The following NUDT7 variants were observed in gnomAD, a reference collection of about 807,000 sequenced individuals.
The protein encoded by NUDT7 is nudix hydrolase 7, also known as peroxisomal coenzyme A diphosphatase NUDT7.
A neutral mutation model predicts 13.1 loss-of-function variants in NUDT7; 19 were observed. The observed-to-expected ratio is 1.45, with a 90% CI of 1.01 to 2.13. NUDT7 has a LOEUF of 2.13. Among genes scored for constraint, NUDT7 ranks in the 30% most tolerant of loss-of-function variants. The pLI is 0.00. For missense variants in NUDT7, 360 were observed against 291.7 expected, an observed-to-expected ratio of 1.23 and a Z score of -1.71; for synonymous variants, 132 against 109.7, an observed-to-expected ratio of 1.20 and a Z score of -1.27.
intron 2 of NUDT7, 27 bp from the exon 3 acceptor site, chr16:77,735,801 T>C (rs372631501): frequency 3.4e-5 from 55 of 1,602,360 alleles, no homozygotes; most frequent in African/African-American, 1.5e-4. Context: ...GAATCCCACA[T>C]TGTAGCGCTG....
At chr16:77,732,833 G>A (rs1002316197) in intron 2 of NUDT7, among the ~76,000 whole-genome samples, 1 of 152,064 alleles carries the variant, frequency 6.6e-6, no homozygotes, top group Non-Finnish European at 1.5e-5. Flanking sequence ...GTCTGTTTCT[G>A]TCAAGCCTGA....
At chr16:77,739,783 C>A (rs2014601829) in intron 3 of NUDT7, among the ~76,000 whole-genome samples, 1 of 152,098 alleles carries the variant, frequency 6.6e-6, no homozygotes, top group Non-Finnish European at 1.5e-5. Context: ...GCCATGTGTC[C>A]TGCACAGAGA....
In NUDT7 at chr16:77,735,751, C is replaced by A. The variant is rs569198155; in HGVS notation, c.190-77C>A. ...TGGTCTCTGGTACAAAATAGAAGTCCAGTAAGTATTTGTTGAATGCATAAA... is the reference window on the plus strand; with the variant it reads ...TGGTCTCTGGTACAAAATAGAAGTCAAGTAAGTATTTGTTGAATGCATAAA... On this transcript the variant is annotated intron_variant, in intron 2 of 3. Transcript: ENST00000268533. 1.5e-4 allele frequency: 200 copies of A among 1,322,330 alleles called. No homozygotes were observed. In the African/African-American group the frequency reaches 2.0e-3, roughly 13 times the overall value. 81.9% of individuals were successfully genotyped at this position (1,322,330 alleles called of 1,614,324 possible).
At chr16:77,738,591 A>G (rs2014562874) in intron 3 of NUDT7, among the ~76,000 whole-genome samples, 1 of 152,144 alleles carries the variant, frequency 6.6e-6, no homozygotes, top group African/African-American at 2.4e-5. Context: ...CATAGCTGGG[A>G]GTGGAAGGGT....
At chr16:77,728,259 T>C (rs891536867) in intron 2 of NUDT7, among the ~76,000 whole-genome samples, 1 of 152,018 alleles carries the variant, frequency 6.6e-6, no homozygotes, top group Non-Finnish European at 1.5e-5. Flanking sequence ...TTCAGAAGGA[T>C]TCTCGCTCTG....
chr16:77,732,516 G>T (rs1285373013), intron 2 of NUDT7, among the ~76,000 whole-genome samples: 1 of 151,956 alleles, frequency 6.6e-6, no homozygotes, highest in Non-Finnish European at 1.5e-5. Flanking sequence ...CCCCATACTG[G>T]TGAACCATTT....
At chr16:77,739,021 G>C (rs967563727) in intron 3 of NUDT7, among the ~76,000 whole-genome samples, 1 of 152,212 alleles carries the variant, frequency 6.6e-6, no homozygotes, top group Non-Finnish European at 1.5e-5. Context: ...CCCGTAAGTT[G>C]TGGTCACCAA....
intron 2 of NUDT7, among the ~76,000 whole-genome samples, chr16:77,732,571 G>C (rs556210162): frequency 6.6e-5 from 10 of 151,996 alleles, no homozygotes; most frequent in Non-Finnish European, 1.3e-4. Context: ...TCCGTGTTTA[G>C]ATGCACAAAT....
At chr16:77,727,081 G>A (rs985425417) in intron 2 of NUDT7, among the ~76,000 whole-genome samples, 2 of 152,128 alleles carry the variant, frequency 1.3e-5, no homozygotes, top group African/African-American at 4.8e-5. Context: ...CCATGCGTGA[G>A]AAATCTGCCC....
intron 1 of NUDT7, among the ~76,000 whole-genome samples, chr16:77,722,980 G>C (rs2014008774): frequency 6.6e-6 from 1 of 152,186 alleles, no homozygotes; most frequent in African/African-American, 2.4e-5. Flanking sequence ...ACTTTCAGTT[G>C]TGACCTTGGG....
intron 1 of NUDT7, among the ~76,000 whole-genome samples, chr16:77,723,380 C>G (rs1480118058): frequency 6.6e-6 from 1 of 152,040 alleles, no homozygotes; most frequent in Admixed American, 6.5e-5. Context: ...ATCTGGTGAG[C>G]ACCCTGCCAC....
intron 2 of NUDT7, among the ~76,000 whole-genome samples, chr16:77,729,854 T>C (rs1186676164): frequency 6.6e-6 from 1 of 152,048 alleles, no homozygotes; most frequent in Non-Finnish European, 1.5e-5. Flanking sequence ...AAATTTTAAA[T>C]CAACAGATAA....
chr16:77,737,611 C>T (rs2145126035), intron 3 of NUDT7, among the ~76,000 whole-genome samples: 1 of 152,112 alleles, frequency 6.6e-6, no homozygotes, highest in East Asian at 1.9e-4. Flanking sequence ...TCAGCCTCCC[C>T]AGTAGCTGGG....
chr16:77,737,160 A>T (rs1212441598), intron 3 of NUDT7, among the ~76,000 whole-genome samples: 1 of 151,778 alleles, frequency 6.6e-6, no homozygotes, highest in Non-Finnish European at 1.5e-5. Context: ...TGTTAACTGA[A>T]CTCCATGCTC....
intron 2 of NUDT7, among the ~76,000 whole-genome samples, chr16:77,734,832 G>A (rs2014428504): frequency 6.6e-6 from 1 of 152,050 alleles, no homozygotes. Flanking sequence ...CAGAAAGCAG[G>A]GACAGAGGGA....
chr16:77,734,860 A>C (rs1359674080), intron 2 of NUDT7, among the ~76,000 whole-genome samples: 3 of 152,072 alleles, frequency 2.0e-5, no homozygotes, highest in African/African-American at 4.8e-5. Flanking sequence ...ATGAGAATCA[A>C]CTGTTGTATG....
intron 1 of NUDT7, among the ~76,000 whole-genome samples, chr16:77,724,871 T>C (rs2014080839): frequency 6.6e-6 from 1 of 152,210 alleles, no homozygotes; most frequent in African/African-American, 2.4e-5. Flanking sequence ...AGTAACGCTG[T>C]CATGAGGGAG....
intron 2 of NUDT7, among the ~76,000 whole-genome samples, chr16:77,731,533 A>G (rs7194416): frequency 0.096 from 14,690 of 152,276 alleles, 818 homozygotes; most frequent in African/African-American, 0.16. Context: ...ACAATTATGC[A>G]CAATATATAA....
chr16:77,722,743 G>T (rs1049177232), intron 1 of NUDT7, 126 bp downstream of exon 1: 30 of 851,114 alleles, frequency 3.5e-5, no homozygotes. Flanking sequence ...TGCGAGCGCC[G>T]GATGGGGGAG....
Sources: allele counts gnomAD v4.1 joint callset (sites outside exome capture counted in the v4.1 genomes callset), GRCh38; gene constraint gnomAD v4.1.1; transcripts MANE v1.5; gene names NCBI Gene and HGNC (gene_info 2026-07-23, HGNC 2026-07-21).